Variants in KIAA0040 observed in about 807,000 individuals in gnomAD.
KIAA0040 encodes KIAA0040.
KIAA0040 carries 10 observed loss-of-function variants against 7.2 expected under a neutral mutation model. The observed-to-expected ratio is 1.38, with a 90% confidence interval of 0.85 to 2.34. The LOEUF is 2.34. KIAA0040 is among the 30% of genes most tolerant of loss of function. The probability of loss-of-function intolerance (pLI) is 0.00; values close to 1 mark genes in which losing one functional copy is unlikely to be tolerated. For synonymous variants in KIAA0040, 49 were observed against 40.1 expected (o/e 1.22, Z -0.84); for missense variants, 89 against 108.2 (o/e 0.82, Z 0.79).
Position 175,179,481 on chromosome 1 carries a change from C to T in KIAA0040, c.-383-1797G>A, listed in dbSNP as rs115450877. Reference sequence around the variant, plus strand: ...TAAAAAAACTTTTATTAATAGCATCCGTTCTCCCTTAGACAAAAATCTAAT... The same window carrying T: ...TAAAAAAACTTTTATTAATAGCATCTGTTCTCCCTTAGACAAAAATCTAAT... On this transcript the variant is annotated intron_variant, in intron 1 of 3. Transcript: ENST00000423313. 7.9e-3 allele frequency among the ~76,000 whole-genome samples: 1,198 copies of T among 152,252 alleles called. 10 individuals are homozygous for T. The highest frequency in any genetic ancestry group is 0.025 in the African/African-American group (1,034 of 41,546).
chr1:175,177,233 T>A (rs1311762858), intron 2 of KIAA0040, among the ~76,000 whole-genome samples: 2 of 152,180 alleles, frequency 1.3e-5, no homozygotes, highest in Non-Finnish European at 2.9e-5. Context: ...CCCAGATACA[T>A]TTTTTATCAG....
Position 175,170,542 on chromosome 1 carries a change from C to A in KIAA0040, c.-309-3805G>T, listed in dbSNP as rs374087397. On this transcript the variant is annotated intron_variant, in intron 2 of 3. Coordinates refer to ENST00000423313, the MANE Select transcript of KIAA0040 (RefSeq NM_014656.3). ...TCCTCCACCACCCCCACCGCCCTAGCTGTTTATCACATAATAGGTGCTAAT... is the reference window on the plus strand; with the variant it reads ...TCCTCCACCACCCCCACCGCCCTAGATGTTTATCACATAATAGGTGCTAAT... 5.8e-4 allele frequency among the ~76,000 whole-genome samples: 88 copies of A among 152,286 alleles called. 1 individual carries two copies. The highest frequency in any genetic ancestry group is 2.0e-3 in the African/African-American group (85 of 41,540).
chr1:175,180,858 A>G (rs1677413562), intron 1 of KIAA0040, among the ~76,000 whole-genome samples: 1 of 152,112 alleles, frequency 6.6e-6, no homozygotes, highest in Non-Finnish European at 1.5e-5. Flanking sequence ...TTGATTTTTA[A>G]TTTTTAAAAA....
chr1:175,184,848 T>C (rs1677593466), intron 1 of KIAA0040, among the ~76,000 whole-genome samples: 1 of 152,126 alleles, frequency 6.6e-6, no homozygotes, highest in Non-Finnish European at 1.5e-5. Flanking sequence ...ACACCTATCA[T>C]AGCTTTTATA....
At chr1:175,174,696 C>CCCG (rs1677112300) in intron 2 of KIAA0040, among the ~76,000 whole-genome samples, 1 of 152,140 alleles carries the variant, frequency 6.6e-6, no homozygotes, top group South Asian at 2.1e-4. Flanking sequence ...CCTCCTATCC[C>CCCG]CCGCCTTTCC....
chr1:175,183,048 G>A (rs1219726337), intron 1 of KIAA0040, among the ~76,000 whole-genome samples: 6 of 152,206 alleles, frequency 3.9e-5, no homozygotes, highest in Middle Eastern at 3.2e-3. Flanking sequence ...GACGCAAAGC[G>A]CCCTCTAAAT....
At chr1:175,182,827 G>C (rs755508307) in intron 1 of KIAA0040, among the ~76,000 whole-genome samples, 9 of 152,246 alleles carry the variant, frequency 5.9e-5, no homozygotes, top group Non-Finnish European at 1.0e-4. Context: ...GGGTGAAACA[G>C]TGCCTGGCAC....
chr1:175,192,775 C>A lies in KIAA0040; in HGVS notation c.-519G>T. Reference sequence around the variant, plus strand: ...TCTGCACTCCCACCCCGAGCCAGGTCTGGCGTGTAGGGCCCCGGCGCCGGC... The same window carrying A: ...TCTGCACTCCCACCCCGAGCCAGGTATGGCGTGTAGGGCCCCGGCGCCGGC... On this transcript the variant is annotated 5_prime_UTR_variant, in exon 1 of 4. Transcript: ENST00000423313. 6.6e-6 allele frequency: 1 copy of A among 152,426 alleles called. No homozygotes were observed. Among genetic ancestry groups the A allele is most frequent in the South Asian group, 1.9e-4 (1 of 5,218 alleles). The allele number at this position is 152,426 out of a possible 1,614,324, so 9.4% of individuals were successfully genotyped here.
At chr1:175,176,669 C>CTTTGTTTTTTTT (rs1677204169) in intron 2 of KIAA0040, among the ~76,000 whole-genome samples, 1 of 27,436 alleles carries the variant, frequency 3.6e-5, no homozygotes, top group Non-Finnish European at 8.2e-5. Flanking sequence ...AAGTAGCATG[C>CTTTGTTTTTTTT]TTTTTTTTTT....
intron 1 of KIAA0040, among the ~76,000 whole-genome samples, chr1:175,186,890 T>C (rs1345577250): frequency 1.3e-5 from 2 of 152,202 alleles, no homozygotes; most frequent in South Asian, 2.1e-4. Context: ...AGTTTCATTA[T>C]GGAATGATGT....
At chr1:175,190,948 G>T (rs866918520) in intron 1 of KIAA0040, among the ~76,000 whole-genome samples, 2 of 152,232 alleles carry the variant, frequency 1.3e-5, no homozygotes, top group East Asian at 3.9e-4. Context: ...CTTTCCCTAG[G>T]AACTCCTAGT....
At chr1:175,173,884 T>G (rs1677081562) in intron 2 of KIAA0040, among the ~76,000 whole-genome samples, 1 of 152,200 alleles carries the variant, frequency 6.6e-6, no homozygotes, top group Non-Finnish European at 1.5e-5. Flanking sequence ...CACAGGCACT[T>G]TTACTTTGTA....
rs1374491989 is a variant in KIAA0040 at position 175,157,581 on chromosome 1, T to C, written c.*3133A>G. The C allele has an allele frequency of 2.0e-5, 3 of 152,120 alleles. No individual in the cohort carries two copies. Among genetic ancestry groups the C allele is most frequent in the African/African-American group, 7.2e-5 (3 of 41,408 alleles). The allele number at this position is 152,120 out of a possible 1,614,324, so 9.4% of individuals were successfully genotyped here. ...TTTAAATAAATTTTTCTTTTGTGTGTGTTTGAATTTTACAGAAAAAAATAC... is the reference window on the plus strand; with the variant it reads ...TTTAAATAAATTTTTCTTTTGTGTGCGTTTGAATTTTACAGAAAAAAATAC... On this transcript the variant is annotated 3_prime_UTR_variant, in exon 4 of 4. Transcript: ENST00000423313.
intron 3 of KIAA0040, among the ~76,000 whole-genome samples, chr1:175,164,465 A>C (rs568788096): frequency 3.7e-4 from 56 of 152,316 alleles, no homozygotes; most frequent in African/African-American, 1.3e-3. Flanking sequence ...AGAAGCATGC[A>C]TTTGAATTAT....
intron 1 of KIAA0040, among the ~76,000 whole-genome samples, chr1:175,178,489 A>G (rs974210232): frequency 6.6e-6 from 1 of 152,258 alleles, no homozygotes; most frequent in African/African-American, 2.4e-5. Context: ...AATTGTTTGC[A>G]TCAATAAAAT....
upstream of KIAA0040, chr1:175,192,818 C>T (rs1161335142): frequency 9.6e-5 from 4 of 41,504 alleles, no homozygotes; most frequent in Admixed American, 3.6e-4. Flanking sequence ...GTGGGAGCCG[C>T]CCGCCCCGCC....
At chr1:175,187,601 T>C (rs1336315253) in intron 1 of KIAA0040, among the ~76,000 whole-genome samples, 1 of 152,172 alleles carries the variant, frequency 6.6e-6, no homozygotes, top group African/African-American at 2.4e-5. Flanking sequence ...TTCTCTTATT[T>C]ATGGTGGCCA....
intron 3 of KIAA0040, among the ~76,000 whole-genome samples, chr1:175,164,826 T>G (rs1676692672): frequency 9.0e-6 from 1 of 110,972 alleles, no homozygotes; most frequent in South Asian, 3.8e-4. Context: ...TTATTAGCAT[T>G]TCCAGAAAAC....
At chr1:175,192,916 C>G (rs895544310), upstream of KIAA0040, 1 of 151,798 alleles carries the variant, frequency 6.6e-6, no homozygotes, top group Non-Finnish European at 1.5e-5. Flanking sequence ...TACGGGCCGA[C>G]GCCTGGCATA....
Sources: gnomAD v4.1 joint callset for allele counts (sites outside exome capture counted in the v4.1 genomes callset) on GRCh38, gnomAD v4.1.1 for gene constraint, MANE v1.5 for transcripts, NCBI Gene and HGNC (gene_info 2026-07-23, HGNC 2026-07-21) for gene names.